Variants in GALNTL6 observed in about 807,000 individuals in gnomAD.
GALNTL6 encodes polypeptide N-acetylgalactosaminyltransferase-like 6.
Under a neutral mutation model 73.7 loss-of-function variants are expected in GALNTL6, and 46 were observed. The ratio of observed to expected loss-of-function variants is 0.62; its 90% CI spans 0.49 to 0.80. The LOEUF (loss-of-function observed/expected upper bound fraction) is 0.80, where lower values mean the gene tolerates loss of function less well. Ranked by LOEUF, GALNTL6 falls within the 30% of genes least tolerant of loss-of-function variation. GALNTL6 has a pLI of 0.00. For synonymous variants in GALNTL6, 259 were observed against 263.7 expected (o/e 0.98, Z 0.17); for missense variants, 604 against 755.0 (o/e 0.80, Z 2.34).
chr4:172,766,310 AC>A (rs1477535007), intron 5 of GALNTL6, among the ~76,000 whole-genome samples: 3 of 152,230 alleles, frequency 2.0e-5, no homozygotes, highest in African/African-American at 7.2e-5. Flanking sequence ...TATTTAATAG[AC>A]AATCCTCCTG....
intron 5 of GALNTL6, among the ~76,000 whole-genome samples, chr4:172,619,349 C>T (rs768024235): frequency 6.0e-4 from 91 of 152,134 alleles, no homozygotes; most frequent in Non-Finnish European, 9.1e-4. Flanking sequence ...AAAACCTTTA[C>T]TCTTCATCCT....
intron 5 of GALNTL6, among the ~76,000 whole-genome samples, chr4:172,795,368 G>A (rs988432644): frequency 6.6e-6 from 1 of 152,006 alleles, no homozygotes; most frequent in Non-Finnish European, 1.5e-5. Flanking sequence ...GAAGAGAGGT[G>A]CTTATGGGCT....
chr4:172,472,769 G>C (rs1320148634), intron 5 of GALNTL6, among the ~76,000 whole-genome samples: 1 of 152,132 alleles, frequency 6.6e-6, no homozygotes, highest in Non-Finnish European at 1.5e-5. Flanking sequence ...GGGGCTACCA[G>C]AGGCTGGAAA....
intron 5 of GALNTL6, among the ~76,000 whole-genome samples, chr4:172,796,956 T>C (rs1740304934): frequency 6.6e-6 from 1 of 152,174 alleles, no homozygotes; most frequent in Non-Finnish European, 1.5e-5. Flanking sequence ...ACCACACAGG[T>C]CTTCACGGCT....
At chr4:171,889,647 G>T (rs1281579027) in intron 2 of GALNTL6, among the ~76,000 whole-genome samples, 2 of 151,984 alleles carry the variant, frequency 1.3e-5, no homozygotes, top group African/African-American at 4.8e-5. Context: ...AGGTTTGACT[G>T]TCCTTATATT....
intron 5 of GALNTL6, among the ~76,000 whole-genome samples, chr4:172,631,091 G>A (rs1302577580): frequency 2.0e-5 from 3 of 151,500 alleles, no homozygotes; most frequent in Non-Finnish European, 4.4e-5. Flanking sequence ...CATTTAACAA[G>A]TACTGATTGC....
At chr4:172,486,582 GT>G (rs1230432744) in intron 5 of GALNTL6, among the ~76,000 whole-genome samples, 1 of 152,166 alleles carries the variant, frequency 6.6e-6, no homozygotes. Flanking sequence ...CACAGACAAT[GT>G]TAGATTGCTT....
intron 2 of GALNTL6, among the ~76,000 whole-genome samples, chr4:172,182,224 G>A (rs570644427): frequency 1.3e-4 from 20 of 152,130 alleles, no homozygotes; most frequent in Non-Finnish European, 2.5e-4. Flanking sequence ...ACCTCTTCAT[G>A]GAGAACTACA....
chr4:172,296,960 C>T (rs1739701607), intron 3 of GALNTL6, among the ~76,000 whole-genome samples: 1 of 152,180 alleles, frequency 6.6e-6, no homozygotes, highest in Non-Finnish European at 1.5e-5. Context: ...AGTGGTTGAT[C>T]TAGTTTACAG....
intron 2 of GALNTL6, among the ~76,000 whole-genome samples, chr4:171,952,274 G>T (rs992336274): frequency 7.9e-5 from 12 of 151,746 alleles, no homozygotes; most frequent in African/African-American, 2.9e-4. Context: ...AAATAGAAAC[G>T]GCCCCATAAG....
At chr4:172,227,228 G>T (rs1206895110) in intron 2 of GALNTL6, among the ~76,000 whole-genome samples, 1 of 152,152 alleles carries the variant, frequency 6.6e-6, no homozygotes, top group African/African-American at 2.4e-5. Flanking sequence ...CTCCAGGTAG[G>T]AATTCCTCCA....
intron 2 of GALNTL6, among the ~76,000 whole-genome samples, chr4:172,154,420 C>T (rs1305928886): frequency 1.3e-5 from 2 of 152,000 alleles, no homozygotes; most frequent in African/African-American, 4.8e-5. Context: ...GTAGTAGAGA[C>T]GGGGCTTCTC....
Position 172,833,310 on chromosome 4 carries a change from A to C in GALNTL6, c.923+19587A>C, listed in dbSNP as rs141441196. On this transcript the variant is annotated intron_variant, in intron 7 of 12. Coordinates refer to ENST00000506823, the MANE Select transcript of GALNTL6 (RefSeq NM_001034845.3). ...GTTGATAGTTTGTAGAAAAACTGCA[A>C]TTTAAGGGAGAAATGATAACCATTT... Among the ~76,000 whole-genome samples the C allele has an allele frequency of 7.2e-5, 11 of 152,286 alleles. No homozygotes were observed. In the South Asian group the frequency reaches 1.9e-3, roughly 26 times the overall value.
chr4:171,827,830 T>G (rs1294577336), intron 2 of GALNTL6, among the ~76,000 whole-genome samples: 1 of 152,136 alleles, frequency 6.6e-6, no homozygotes, highest in Non-Finnish European at 1.5e-5. Context: ...AAACATAGGT[T>G]TGAACTGCAT....
intron 12 of GALNTL6, among the ~76,000 whole-genome samples, chr4:173,034,418 T>C (rs971606331): frequency 6.6e-6 from 1 of 152,194 alleles, no homozygotes; most frequent in Non-Finnish European, 1.5e-5. Flanking sequence ...TGCCTACCTC[T>C]TGGATATCCT....
chr4:172,600,567 C>T (rs1391695787), intron 5 of GALNTL6, among the ~76,000 whole-genome samples: 4 of 152,014 alleles, frequency 2.6e-5, no homozygotes, highest in East Asian at 1.9e-4. Context: ...GGATTTTGCC[C>T]GATACTAAGC....
At chr4:171,913,743 T>C (rs1399114168) in intron 2 of GALNTL6, among the ~76,000 whole-genome samples, 3 of 152,134 alleles carry the variant, frequency 2.0e-5, no homozygotes, top group Admixed American at 1.3e-4. Context: ...TCAGAGAAAT[T>C]AGGTGGTAAT....
At chr4:173,036,856 A>T (rs1000302042) in intron 12 of GALNTL6, among the ~76,000 whole-genome samples, 1 of 152,208 alleles carries the variant, frequency 6.6e-6, no homozygotes, top group African/African-American at 2.4e-5. Flanking sequence ...AACTGTGTTC[A>T]GTTCTGTTAC....
intron 10 of GALNTL6, among the ~76,000 whole-genome samples, chr4:173,003,372 A>C (rs1296127340): frequency 6.6e-6 from 1 of 152,202 alleles, no homozygotes; most frequent in African/African-American, 2.4e-5. Context: ...ATACACACTG[A>C]AGAACAGGCC....
Sources: gnomAD v4.1 joint callset for allele counts (sites outside exome capture counted in the v4.1 genomes callset) on GRCh38, gnomAD v4.1.1 for gene constraint, MANE v1.5 for transcripts, NCBI Gene and HGNC (gene_info 2026-07-23, HGNC 2026-07-21) for gene names.